Variants in ATRNL1 observed in about 807,000 individuals in gnomAD.
The protein encoded by ATRNL1 is attractin-like protein 1.
A neutral mutation model predicts 182.7 loss-of-function variants in ATRNL1; 95 were observed. The observed-to-expected ratio is 0.52, with a 90% CI of 0.44 to 0.62. The LOEUF is 0.62. Among genes scored for constraint, ATRNL1 ranks in the 20% least tolerant of loss-of-function variants. The probability of loss-of-function intolerance (pLI) is 0.00; values close to 1 mark genes in which losing one functional copy is unlikely to be tolerated. For missense variants in ATRNL1, 1,471 were observed against 1,679.5 expected (o/e 0.88, Z 2.17); for synonymous variants, 576 against 568.3 (o/e 1.01, Z -0.19).
intron 21 of ATRNL1, among the ~76,000 whole-genome samples, chr10:115,438,176 A>G (rs1475729573): frequency 6.6e-6 from 1 of 152,006 alleles, no homozygotes; most frequent in East Asian, 1.9e-4. Context: ...ATAAGTTGAA[A>G]TTTACATGAG....
intron 27 of ATRNL1, among the ~76,000 whole-genome samples, chr10:115,802,122 C>G (rs782264981): frequency 2.0e-5 from 3 of 151,748 alleles, no homozygotes; most frequent in African/African-American, 4.8e-5. Context: ...TTAAATATCC[C>G]GACTTTGCCT....
chr10:115,236,896 C>G (rs1190927060), intron 9 of ATRNL1, among the ~76,000 whole-genome samples: 1 of 152,166 alleles, frequency 6.6e-6, no homozygotes, highest in Non-Finnish European at 1.5e-5. Context: ...CTGTGATCCT[C>G]TTGCTTATCT....
chr10:115,490,674 T>C (rs1300685243), intron 24 of ATRNL1, among the ~76,000 whole-genome samples: 1 of 152,164 alleles, frequency 6.6e-6, no homozygotes, highest in African/African-American at 2.4e-5. Context: ...TGCTCCTCCA[T>C]GCTCCTTTAG....
At chr10:115,218,876 G>T (rs1849332460) in intron 9 of ATRNL1, among the ~76,000 whole-genome samples, 1 of 152,170 alleles carries the variant, frequency 6.6e-6, no homozygotes, top group Non-Finnish European at 1.5e-5. Context: ...CTCTGCAGTA[G>T]CCCTTGTAAG....
At chr10:115,130,499 C>A (rs1845181741) in intron 5 of ATRNL1, among the ~76,000 whole-genome samples, 1 of 151,960 alleles carries the variant, frequency 6.6e-6, no homozygotes, top group Non-Finnish European at 1.5e-5. Flanking sequence ...GTAAATTATG[C>A]CTGTCTTAAG....
At chr10:115,444,841 C>T (rs1271045033) in intron 21 of ATRNL1, among the ~76,000 whole-genome samples, 2 of 151,902 alleles carry the variant, frequency 1.3e-5, no homozygotes, top group Non-Finnish European at 2.9e-5. Context: ...ATGCGATTCT[C>T]CTGCCTCAGC....
chr10:115,683,610 G>A, intron 26 of ATRNL1, among the ~76,000 whole-genome samples: 1 of 131,164 alleles, frequency 7.6e-6, no homozygotes, highest in East Asian at 2.7e-4. Flanking sequence ...CCTCACAGCA[G>A]CCTCACTGAC....
chr10:115,607,804 C>T (rs1285587623), intron 26 of ATRNL1, among the ~76,000 whole-genome samples: 1 of 151,922 alleles, frequency 6.6e-6, no homozygotes, highest in Non-Finnish European at 1.5e-5. Flanking sequence ...ATTAGCATTT[C>T]TAAATCACTA....
intron 26 of ATRNL1, among the ~76,000 whole-genome samples, chr10:115,708,022 G>C (rs1398308050): frequency 1.3e-5 from 2 of 151,398 alleles, no homozygotes; most frequent in Non-Finnish European, 3.0e-5. Flanking sequence ...ATGTGCTCCT[G>C]TTTACTAATT....
chr10:115,599,047 G>A (rs2133937778), intron 26 of ATRNL1, among the ~76,000 whole-genome samples: 1 of 152,280 alleles, frequency 6.6e-6, no homozygotes, highest in South Asian at 2.1e-4. Context: ...TTGATTCACT[G>A]AGTTATGCAG....
At chr10:115,223,942 T>C in intron 9 of ATRNL1, among the ~76,000 whole-genome samples, 1 of 123,270 alleles carries the variant, frequency 8.1e-6, no homozygotes, top group Non-Finnish European at 1.7e-5. Flanking sequence ...TTTTTTTTTT[T>C]TTTTTTTCTT....
intron 19 of ATRNL1, among the ~76,000 whole-genome samples, chr10:115,368,174 G>C (rs1317187512): frequency 5.3e-5 from 8 of 152,196 alleles, no homozygotes; most frequent in Non-Finnish European, 8.8e-5. Context: ...AGCAATCAGC[G>C]AGACTCCGTG....
At chr10:115,281,568 C>T in intron 14 of ATRNL1, 81 bp downstream of exon 14, 1 of 1,336,938 alleles carries the variant, frequency 7.5e-7, no homozygotes, top group South Asian at 1.4e-5. Context: ...AGTAAGGACA[C>T]TACATTTTCT....
chr10:115,659,347 C>G (rs1204840645), intron 26 of ATRNL1, among the ~76,000 whole-genome samples: 1 of 151,996 alleles, frequency 6.6e-6, no homozygotes, highest in Admixed American at 6.6e-5. Context: ...CTGATATAAC[C>G]CCCAGGCACA....
At chr10:115,443,126 A>G (rs1846779726) in intron 21 of ATRNL1, among the ~76,000 whole-genome samples, 1 of 152,048 alleles carries the variant, frequency 6.6e-6, no homozygotes, top group African/African-American at 2.4e-5. Context: ...TGTTGAATGT[A>G]AAACCTCTAT....
intron 25 of ATRNL1, among the ~76,000 whole-genome samples, chr10:115,530,406 G>A (rs1427662616): frequency 6.6e-6 from 1 of 151,828 alleles, no homozygotes; most frequent in Non-Finnish European, 1.5e-5. Flanking sequence ...CTTTCTTATA[G>A]CCATCTTAGT....
chr10:115,614,260 T>C (rs1353163200), intron 26 of ATRNL1, among the ~76,000 whole-genome samples: 2 of 152,140 alleles, frequency 1.3e-5, no homozygotes, highest in Non-Finnish European at 2.9e-5. Context: ...TTTTTCTCTT[T>C]AATTCCTTCC....
intron 19 of ATRNL1, among the ~76,000 whole-genome samples, chr10:115,347,631 C>T (rs1198783943): frequency 6.6e-6 from 1 of 151,964 alleles, no homozygotes; most frequent in Non-Finnish European, 1.5e-5. Context: ...AAATATACTG[C>T]AGCATATATA....
intron 26 of ATRNL1, among the ~76,000 whole-genome samples, chr10:115,621,278 G>T (rs2804241): frequency 0.24 from 14,031 of 58,320 alleles, 1,003 homozygotes; most frequent in African/African-American, 0.37. Context: ...TATATATATA[G>T]AGAGAGAGAG....
Sources: gnomAD v4.1 joint callset for allele counts (sites outside exome capture counted in the v4.1 genomes callset) on GRCh38, gnomAD v4.1.1 for gene constraint, MANE v1.5 for transcripts, NCBI Gene and HGNC (gene_info 2026-07-23, HGNC 2026-07-21) for gene names.